Variants in JPH3 observed in about 807,000 individuals in gnomAD.
JPH3 encodes the protein junctophilin-3.
A neutral mutation model predicts 59.6 loss-of-function variants in JPH3; 11 were observed. The observed-to-expected ratio is 0.18, with a 90% CI of 0.12 to 0.31. The LOEUF is 0.31. JPH3 is among the 10% of genes least tolerant of loss of function. The pLI is 1.00. For missense variants in JPH3, 1,202 were observed against 1,105.7 expected, an observed-to-expected ratio of 1.09 and a Z score of -1.24; for synonymous variants, 673 against 483.6, an observed-to-expected ratio of 1.39 and a Z score of -5.14.
chr16:87,672,094 T>A (rs187609089), intron 2 of JPH3, among the ~76,000 whole-genome samples: 6 of 151,984 alleles, frequency 3.9e-5, no homozygotes, highest in Non-Finnish European at 8.8e-5. Flanking sequence ...CCGGGCGGGG[T>A]TCACCTGCTA....
intron 4 of JPH3, among the ~76,000 whole-genome samples, chr16:87,692,946 G>A (rs549919803): frequency 3.2e-4 from 49 of 152,312 alleles, no homozygotes; most frequent in Admixed American, 1.6e-3. Context: ...ACTAGCATCC[G>A]GCCCTTCCTC....
At chr16:87,692,208 T>TCTCC (rs2033606926) in intron 4 of JPH3, among the ~76,000 whole-genome samples, 2 of 129,040 alleles carry the variant, frequency 1.5e-5, no homozygotes, top group Non-Finnish European at 3.7e-5. Flanking sequence ...TCCCTCCCTG[T>TCTCC]CTCCCTCCCC....
chr16:87,691,092 C>T (rs570169694), intron 4 of JPH3, among the ~76,000 whole-genome samples: 180 of 149,848 alleles, frequency 1.2e-3, no homozygotes, highest in Admixed American at 3.7e-3. Flanking sequence ...CAGCACCCCC[C>T]CCCCAAATTC....
rs143064821 is a variant in JPH3 at position 87,620,729 on chromosome 16, G to C, written c.382+17201G>C. Among the ~76,000 whole-genome samples, 223 of 152,354 alleles carry C rather than the reference G, an allele frequency of 1.5e-3. 2 individuals carry two copies. The highest frequency in any genetic ancestry group is 5.1e-3 in the African/African-American group (212 of 41,592). ...TGTCCTCCTGCTGCCCGGAGGAGGA[G>C]ACTGAGGCCAGAGATGCGGCAAATT... On this transcript the variant is annotated intron_variant, in intron 1 of 4. Coordinates refer to ENST00000284262, the MANE Select transcript of JPH3 (RefSeq NM_020655.4).
chr16:87,604,617 A>T (rs1438743655), intron 1 of JPH3: 3 of 1,203,446 alleles, frequency 2.5e-6, no homozygotes, highest in Non-Finnish European at 3.2e-6. Flanking sequence ...GAGAATAAAA[A>T]TCCTGAGCGT....
intron 1 of JPH3, among the ~76,000 whole-genome samples, chr16:87,612,689 TC>T (rs2042314587): frequency 6.6e-6 from 1 of 152,046 alleles, no homozygotes; most frequent in African/African-American, 2.4e-5. Context: ...ACACTCTGGG[TC>T]AAGTGGTTCA....
At chr16:87,673,734 T>G (rs1397396832) in intron 2 of JPH3, among the ~76,000 whole-genome samples, 2 of 152,068 alleles carry the variant, frequency 1.3e-5, no homozygotes, top group Non-Finnish European at 2.9e-5. Flanking sequence ...GAGACCAGCC[T>G]GACCAACATG....
At chr16:87,644,153 A>T in intron 1 of JPH3, 105 bp from the exon 2 acceptor site, 1 of 1,236,628 alleles carries the variant, frequency 8.1e-7, no homozygotes, top group Non-Finnish European at 1.1e-6. Context: ...ACACAAAACA[A>T]CAGGAAGCTC....
At chr16:87,684,631 C>T (rs2033373411) in intron 3 of JPH3, among the ~76,000 whole-genome samples, 1 of 152,248 alleles carries the variant, frequency 6.6e-6, no homozygotes. Flanking sequence ...GAACTATCTG[C>T]TGGGTCCAGC....
At chr16:87,635,815 C>T (rs1488078089) in intron 1 of JPH3, among the ~76,000 whole-genome samples, 4 of 152,178 alleles carry the variant, frequency 2.6e-5, no homozygotes, top group Admixed American at 6.5e-5. Flanking sequence ...TTTGGGCCAT[C>T]GGTGGGTGAG....
At chr16:87,604,803 G>A (rs1291702919) in intron 1 of JPH3, among the ~76,000 whole-genome samples, 2 of 152,194 alleles carry the variant, frequency 1.3e-5, no homozygotes, top group Non-Finnish European at 2.9e-5. Context: ...GGAGGAGTCT[G>A]GGGCAGTTAA....
At chr16:87,627,184 G>A (rs986531196) in intron 1 of JPH3, among the ~76,000 whole-genome samples, 1 of 152,102 alleles carries the variant, frequency 6.6e-6, no homozygotes, top group African/African-American at 2.4e-5. Flanking sequence ...CTAGAGCCGT[G>A]GCTCAGCTTG....
chr16:87,622,762 C>G (rs1394126291), intron 1 of JPH3, among the ~76,000 whole-genome samples: 1 of 152,082 alleles, frequency 6.6e-6, no homozygotes, highest in Non-Finnish European at 1.5e-5. Context: ...CACCCTGCCG[C>G]TGAGAGGCCT....
intron 3 of JPH3, 64 bp downstream of exon 3, chr16:87,684,330 C>G: frequency 1.3e-6 from 2 of 1,585,392 alleles, no homozygotes; most frequent in Non-Finnish European, 1.7e-6. Flanking sequence ...CTGGGCAGTC[C>G]TGGCAGCAGA....
chr16:87,637,079 C>G (rs2031775596), intron 1 of JPH3, among the ~76,000 whole-genome samples: 1 of 152,190 alleles, frequency 6.6e-6, no homozygotes, highest in Admixed American at 6.5e-5. Context: ...TCTCAAAGCC[C>G]CTAGGATTTG....
In JPH3 at chr16:87,689,929, C is replaced by G; in HGVS notation, c.1569C>G (p.Ala523=). The change falls in exon 4 of 5, where the codon GCC becomes GCG. Residue 523 remains alanine (A), a synonymous_variant. Coordinates refer to ENST00000284262, the MANE Select transcript of JPH3 (RefSeq NM_020655.4). ...TCCAGATGCTCCTGGAGGGCCGGGC[C>G]GGGGACTGCGCCCGCAGCAGCTGGG... The part of the protein sequence containing the change: ...GDIQMLLEGR[A]GDCARSSWGE... 6.9e-7 allele frequency: 1 copy of G among 1,450,588 alleles called. No individual in the cohort carries two copies. The highest frequency in any genetic ancestry group is 9.0e-7 in the Non-Finnish European group (1 of 1,105,276). The allele number at this position is 1,450,588 out of a possible 1,614,324, so 89.9% of individuals were successfully genotyped here. A position where few individuals can be genotyped will look rare whatever the true frequency, so the allele number is the denominator to read the frequency against.
At chr16:87,696,460 C>T in intron 4 of JPH3, 120 bp from the exon 5 acceptor site, 1 of 797,898 alleles carries the variant, frequency 1.3e-6, no homozygotes, top group Non-Finnish European at 2.2e-6. Context: ...TAACATCCTC[C>T]CGTACGCTTC....
chr16:87,606,861 G>A (rs1169888752), intron 1 of JPH3, among the ~76,000 whole-genome samples: 1 of 152,132 alleles, frequency 6.6e-6, no homozygotes, highest in East Asian at 1.9e-4. Flanking sequence ...TGTCTGCCAA[G>A]CATGTGGCAA....
intron 1 of JPH3, among the ~76,000 whole-genome samples, chr16:87,636,131 G>T (rs1431715892): frequency 1.1e-4 from 17 of 152,206 alleles, no homozygotes; most frequent in Admixed American, 9.8e-4. Flanking sequence ...TTCTGCAGGT[G>T]ACCAGTTAGG....
Sources: gnomAD v4.1 joint callset for allele counts (sites outside exome capture counted in the v4.1 genomes callset) on GRCh38, gnomAD v4.1.1 for gene constraint, MANE v1.5 for transcripts, NCBI Gene and HGNC (gene_info 2026-07-23, HGNC 2026-07-21) for gene names.